PTPRR: variants seen among roughly 807,000 people sequenced by gnomAD.
PTPRR encodes the protein protein tyrosine phosphatase receptor type R, also known as receptor-type tyrosine-protein phosphatase R.
Under a neutral mutation model 77.2 loss-of-function variants are expected in PTPRR, and 38 were observed. That is an observed-to-expected ratio of 0.49 (90% CI 0.38 to 0.65). The LOEUF (loss-of-function observed/expected upper bound fraction) is 0.65, where lower values mean the gene tolerates loss of function less well. Among genes scored for constraint, PTPRR ranks in the 30% least tolerant of loss-of-function variants. PTPRR has a pLI of 0.00. For synonymous variants in PTPRR, 299 were observed against 283.1 expected (o/e 1.06, Z -0.57); for missense variants, 744 against 799.2 (o/e 0.93, Z 0.83).
intron 2 of PTPRR, among the ~76,000 whole-genome samples, chr12:70,843,808 ATTTTTTTT>A (rs201003875): frequency 1.8e-4 from 22 of 124,672 alleles, no homozygotes; most frequent in African/African-American, 4.0e-4. Context: ...GTTGCTGAAA[ATTTTTTTT>A]TTTTTTTTTT....
intron 6 of PTPRR, among the ~76,000 whole-genome samples, chr12:70,719,769 T>C (rs990383002): frequency 1.3e-5 from 2 of 152,176 alleles, no homozygotes; most frequent in African/African-American, 4.8e-5. Flanking sequence ...CTGGATGCCA[T>C]TAACAGACCT....
chr12:70,702,508 T>C (rs1172049873), intron 6 of PTPRR, among the ~76,000 whole-genome samples: 1 of 152,164 alleles, frequency 6.6e-6, no homozygotes, highest in African/African-American at 2.4e-5. Flanking sequence ...TTTTAATACT[T>C]ACTCTGGAAT....
rs569424161 is a variant in PTPRR at position 70,897,044 on chromosome 12, G to A, written c.59-4067C>T. On this transcript the variant is annotated intron_variant, in intron 1 of 13. Transcript: ENST00000283228. Reference sequence around the variant, plus strand: ...GTAGTATAGTTTGAAGTCAGGTAGCGTGATGCCTCCAGCTTTGTTCGTTTG... The same window carrying A: ...GTAGTATAGTTTGAAGTCAGGTAGCATGATGCCTCCAGCTTTGTTCGTTTG... Among the ~76,000 whole-genome samples, 274 of 151,842 alleles carry A rather than the reference G, an allele frequency of 1.8e-3. 2 individuals are homozygous for A. The highest frequency in any genetic ancestry group is 6.2e-3 in the African/African-American group (256 of 41,472).
chr12:70,885,759 A>C (rs11178475), intron 2 of PTPRR, among the ~76,000 whole-genome samples: 18,739 of 151,974 alleles, frequency 0.12, 2,149 homozygotes, highest in African/African-American at 0.31. Flanking sequence ...ATCTCGATCT[A>C]CTGACCACGT....
chr12:70,808,343 T>C (rs1235705142), intron 2 of PTPRR, among the ~76,000 whole-genome samples: 1 of 152,136 alleles, frequency 6.6e-6, no homozygotes, highest in East Asian at 1.9e-4. Flanking sequence ...CCTGCTCATC[T>C]GCCTTGTGAT....
chr12:70,700,467 G>A (rs188224253), intron 7 of PTPRR, among the ~76,000 whole-genome samples: 91 of 152,114 alleles, frequency 6.0e-4, no homozygotes, highest in Admixed American at 3.9e-3. Context: ...TCCTTATTTC[G>A]TTAAAGGGCA....
intron 2 of PTPRR, among the ~76,000 whole-genome samples, chr12:70,821,552 C>G (rs1053569806): frequency 1.3e-5 from 2 of 151,392 alleles, no homozygotes; most frequent in Admixed American, 6.6e-5. Context: ...GCCTTGACCT[C>G]AGGCAGGAAT....
intron 12 of PTPRR, among the ~76,000 whole-genome samples, chr12:70,660,461 C>G (rs1306665542): frequency 6.6e-6 from 1 of 152,080 alleles, no homozygotes; most frequent in African/African-American, 2.4e-5. Flanking sequence ...ACCTGTTTTT[C>G]TGGAGATAAC....
chr12:70,863,408 A>G (rs1892786525), intron 2 of PTPRR, among the ~76,000 whole-genome samples: 1 of 152,142 alleles, frequency 6.6e-6, no homozygotes, highest in African/African-American at 2.4e-5. Flanking sequence ...ATGATGCATG[A>G]CTGTCCTACT....
Position 70,745,977 on chromosome 12 carries a change from G to A in PTPRR, c.848C>T (p.Ala283Val). 6.2e-7 allele frequency: 1 copy of A among 1,614,086 alleles called. No individual in the cohort carries two copies. Among genetic ancestry groups the A allele is most frequent in the Non-Finnish European group, 8.5e-7 (1 of 1,180,000 alleles). Residue 283 changes from alanine to valine, a missense_variant, in exon 6 of 14, where the codon GCA (alanine) becomes GTA (valine). Transcript: ENST00000283228. ...TTGGACCATGCTGTGGACTGTCTTT[G>A]CCTCGGACAGTGCTGGCTGTAATGT... ...PITLQPALSE[A>V]KTVHSMVQPE... is the part of the protein sequence containing the mutation.
chr12:70,882,408 A>G (rs931637621), intron 2 of PTPRR, among the ~76,000 whole-genome samples: 3 of 152,202 alleles, frequency 2.0e-5, no homozygotes, highest in African/African-American at 4.8e-5. Flanking sequence ...CCCAGAGGAT[A>G]TAGAACACCA....
chr12:70,719,928 C>T (rs1889184021), intron 6 of PTPRR, among the ~76,000 whole-genome samples: 1 of 152,232 alleles, frequency 6.6e-6, no homozygotes, highest in South Asian at 2.1e-4. Context: ...GCTCAAATGT[C>T]CTTTGAACAA....
At position 70,875,642 on chromosome 12, in the gene PTPRR, G is replaced by GAA. The variant is rs59342087; in HGVS notation, c.357+17035_357+17036dup. Among the ~76,000 whole-genome samples the GAA allele has an allele frequency of 2.2e-4, 27 of 121,276 alleles. No individual in the cohort carries two copies. The East Asian group carries it at 2.2e-3, about 10-fold the overall frequency. The allele number at this position is 121,276 out of a possible 152,430, so 79.6% of individuals were successfully genotyped here. ...AATGACTGGGATTTATTGCTAAGTA[G>GAA]AAAAAAAAAAAAAGACAGGGTCACA... On this transcript the variant is annotated intron_variant, in intron 2 of 13. Transcript: ENST00000283228.
intron 2 of PTPRR, among the ~76,000 whole-genome samples, chr12:70,821,213 C>CTGTTTTTTTTTTTTTTTTTTTTTTT: frequency 3.1e-5 from 1 of 31,990 alleles, no homozygotes; most frequent in Non-Finnish European, 6.1e-5. Context: ...GGGATCACTG[C>CTGTTTTTTTTTTTTTTTTTTTTTTT]TTTTTTTTTT....
intron 10 of PTPRR, among the ~76,000 whole-genome samples, chr12:70,667,171 T>C (rs1887042597): frequency 6.6e-6 from 1 of 151,994 alleles, no homozygotes; most frequent in African/African-American, 2.4e-5. Flanking sequence ...TTAGCCAGGA[T>C]AGTCTCGATC....
At chr12:70,776,552 G>T (rs1891092274) in intron 2 of PTPRR, among the ~76,000 whole-genome samples, 1 of 152,034 alleles carries the variant, frequency 6.6e-6, no homozygotes, top group Admixed American at 6.6e-5. Flanking sequence ...TGTCCTTCCA[G>T]TCTTAACCTC....
chr12:70,865,737 A>G (rs1374962614), intron 2 of PTPRR, among the ~76,000 whole-genome samples: 2 of 152,328 alleles, frequency 1.3e-5, no homozygotes, highest in African/African-American at 4.8e-5. Context: ...GCTTTGTTTT[A>G]GAATCACTGT....
Position 70,673,686 on chromosome 12 carries a change from A to G in PTPRR, c.1497+10441T>C, listed in dbSNP as rs894555307. Among the ~76,000 whole-genome samples, 6 of 152,206 alleles carry G rather than the reference A, an allele frequency of 3.9e-5. 1 individual carries two copies. In the South Asian group the frequency reaches 8.3e-4, roughly 21 times the overall value. Reference sequence around the variant, plus strand: ...TTTAAGGGCATGAATGCACTTTGAAATAATATTTATTTTATGACAATTTAC... The same window carrying G: ...TTTAAGGGCATGAATGCACTTTGAAGTAATATTTATTTTATGACAATTTAC... On this transcript the variant is annotated intron_variant, in intron 10 of 13. Coordinates refer to ENST00000283228, the MANE Select transcript of PTPRR (RefSeq NM_002849.4).
intron 2 of PTPRR, among the ~76,000 whole-genome samples, chr12:70,837,380 AAAG>A (rs1368573477): frequency 6.6e-6 from 1 of 152,188 alleles, no homozygotes; most frequent in Non-Finnish European, 1.5e-5. Flanking sequence ...GTCTGACAGA[AAAG>A]AAATATTCAA....
Sources: gnomAD v4.1 joint callset for allele counts (sites outside exome capture counted in the v4.1 genomes callset) on GRCh38, gnomAD v4.1.1 for gene constraint, MANE v1.5 for transcripts, NCBI Gene and HGNC (gene_info 2026-07-23, HGNC 2026-07-21) for gene names.